The following GLIS3 variants were observed in gnomAD, a reference collection of about 807,000 sequenced individuals.
GLIS3 encodes GLIS family zinc finger 3, also known as zinc finger protein GLIS3.
Under a neutral mutation model 78.6 loss-of-function variants are expected in GLIS3, and 53 were observed. That is an observed-to-expected ratio of 0.67 (90% CI 0.54 to 0.85). The LOEUF is 0.85. Ranked by LOEUF, GLIS3 falls within the 40% of genes least tolerant of loss-of-function variation. The probability of loss-of-function intolerance (pLI) is 0.00; values close to 1 mark genes in which losing one functional copy is unlikely to be tolerated. For missense variants in GLIS3, 1,703 were observed against 1,231.1 expected, an observed-to-expected ratio of 1.38 and a Z score of -5.74; for synonymous variants, 684 against 509.9, an observed-to-expected ratio of 1.34 and a Z score of -4.60.
chr9:4,277,672 C>A (rs925442073), intron 2 of GLIS3, among the ~76,000 whole-genome samples: 3 of 152,072 alleles, frequency 2.0e-5, no homozygotes, highest in Admixed American at 2.0e-4. Flanking sequence ...TGTCAGAAGC[C>A]CTGAAGTAAA....
intron 2 of GLIS3, among the ~76,000 whole-genome samples, chr9:4,149,753 G>T (rs1042144680): frequency 2.0e-5 from 3 of 152,114 alleles, no homozygotes; most frequent in Admixed American, 2.0e-4. Flanking sequence ...AAACTGCATG[G>T]TAGGAGCAGG....
rs1056773757 is a variant in GLIS3, at chr9:4,054,573, A to C, written c.1710+63195T>G. 3.1e-5 allele frequency: 24 copies of C among 764,580 alleles called. 1 individual carries two copies. In the Admixed American group the frequency reaches 3.8e-4, roughly 12 times the overall value. The allele number at this position is 764,580 out of a possible 1,614,324, so 47.4% of individuals were successfully genotyped here. Reference sequence around the variant, plus strand: ...TGCGGAGCAGGTCACAAGTCACACCAGTCACAAAGCTGCCTCCTTGACATT... The same window carrying C: ...TGCGGAGCAGGTCACAAGTCACACCCGTCACAAAGCTGCCTCCTTGACATT... On this transcript the variant is annotated intron_variant, in intron 4 of 10. Coordinates refer to ENST00000381971, the MANE Select transcript of GLIS3 (RefSeq NM_001042413.2).
intron 6 of GLIS3, among the ~76,000 whole-genome samples, chr9:3,928,950 C>T (rs1825432167): frequency 1.3e-5 from 2 of 152,210 alleles, no homozygotes; most frequent in African/African-American, 4.8e-5. Context: ...AAAGGAAACC[C>T]TCCTGCTTAT....
At chr9:4,342,110 C>A (rs1023442146) in intron 2 of GLIS3, among the ~76,000 whole-genome samples, 1 of 152,116 alleles carries the variant, frequency 6.6e-6, no homozygotes, top group African/African-American at 2.4e-5. Context: ...TAATTAGGTC[C>A]CATTTGTCAA....
intron 2 of GLIS3, among the ~76,000 whole-genome samples, chr9:4,203,994 G>A (rs1416115099): frequency 6.6e-6 from 1 of 152,140 alleles, no homozygotes; most frequent in East Asian, 1.9e-4. Context: ...TTGAAAAACT[G>A]TTGGGTATAT....
chr9:4,395,509 G>C, the GLIS3 span, among the ~76,000 whole-genome samples: 7 of 152,088 alleles, frequency 4.6e-5, no homozygotes, highest in African/African-American at 1.5e-4. Flanking sequence ...TCTAGCTGAA[G>C]AAGAAGAATC....
chr9:4,318,040 T>A (rs1817466636), intron 2 of GLIS3, among the ~76,000 whole-genome samples: 1 of 152,004 alleles, frequency 6.6e-6, no homozygotes, highest in African/African-American at 2.4e-5. Context: ...ACTAGAAAAA[T>A]TATAGAAACT....
At chr9:3,917,693 C>T (rs779804941) in intron 6 of GLIS3, among the ~76,000 whole-genome samples, 2 of 151,938 alleles carry the variant, frequency 1.3e-5, no homozygotes, top group Admixed American at 6.6e-5. Flanking sequence ...CAGGGCCCCA[C>T]TGAAACGACC....
intron 2 of GLIS3, among the ~76,000 whole-genome samples, chr9:4,316,241 A>G (rs750570033): frequency 6.6e-6 from 1 of 152,198 alleles, no homozygotes; most frequent in Non-Finnish European, 1.5e-5. Flanking sequence ...CATTAAACTC[A>G]TCTAGCTACC....
At chr9:4,056,655 G>C (rs1441330561) in intron 4 of GLIS3, among the ~76,000 whole-genome samples, 1 of 152,032 alleles carries the variant, frequency 6.6e-6, no homozygotes, top group African/African-American at 2.4e-5. Context: ...AAAGAAAGGA[G>C]AAAAGAGAGA....
chr9:4,127,107 T>C (rs2130919189), intron 2 of GLIS3, among the ~76,000 whole-genome samples: 1 of 152,298 alleles, frequency 6.6e-6, no homozygotes, highest in East Asian at 1.9e-4. Context: ...AGTCACTGTT[T>C]CCATCAGTGC....
intron 2 of GLIS3, among the ~76,000 whole-genome samples, chr9:4,137,559 G>T (rs537004978): frequency 2.1e-5 from 3 of 145,342 alleles, no homozygotes; most frequent in Admixed American, 7.0e-5. Flanking sequence ...CCTCAATCTT[G>T]CTCCCCACCA....
chr9:4,394,973 T>G, the GLIS3 span, among the ~76,000 whole-genome samples: 11 of 152,362 alleles, frequency 7.2e-5, no homozygotes, highest in African/African-American at 2.4e-4. Context: ...GTGCTATTCT[T>G]GCACTGAATA....
the GLIS3 span, among the ~76,000 whole-genome samples, chr9:4,416,073 T>A: frequency 0.73 from 109,463 of 150,206 alleles, 40,184 homozygotes; most frequent in African/African-American, 0.8. Flanking sequence ...GCACAGGATC[T>A]AATGACTGCA....
At chr9:4,049,731 G>A (rs1825561904) in intron 4 of GLIS3, among the ~76,000 whole-genome samples, 2 of 151,982 alleles carry the variant, frequency 1.3e-5, no homozygotes. Flanking sequence ...AATCTACAAA[G>A]AACTCAAACA....
intron 4 of GLIS3, among the ~76,000 whole-genome samples, chr9:4,107,994 G>C (rs1050957267): frequency 6.6e-6 from 1 of 152,088 alleles, no homozygotes; most frequent in South Asian, 2.1e-4. Context: ...TCTACAGTAT[G>C]TTAATCGTTG....
At position 4,014,588 on chromosome 9, in the gene GLIS3, C is replaced by T. The variant is rs116967020; in HGVS notation, c.1711-77399G>A. Among the ~76,000 whole-genome samples the T allele has an allele frequency of 6.0e-3, 917 of 152,266 alleles. 13 individuals carry two copies. The highest frequency in any genetic ancestry group is 0.038 in the East Asian group (198 of 5,180). On this transcript the variant is annotated intron_variant, in intron 4 of 10. Transcript: ENST00000381971. ...AAGAATTGCCAGCAATGATTAGAAGCTAGGAAGAGGCAAGGAAAGATTTTT... is the reference window on the plus strand; with the variant it reads ...AAGAATTGCCAGCAATGATTAGAAGTTAGGAAGAGGCAAGGAAAGATTTTT...
chr9:4,051,326 G>C (rs920500675), intron 4 of GLIS3, among the ~76,000 whole-genome samples: 1 of 152,186 alleles, frequency 6.6e-6, no homozygotes, highest in African/African-American at 2.4e-5. Context: ...GGGGATAGGG[G>C]GTTGCCACTT....
rs549898229 is a variant in GLIS3, at chr9:4,222,908, G to A, written c.388+63130C>T. On this transcript the variant is annotated intron_variant, in intron 2 of 10. Transcript: ENST00000381971. ...CGAAGCTGCACTGAGCAGAGGGAAC[G>A]GGGAATAATGGATTATGCTCTGTTC... Among the ~76,000 whole-genome samples the A allele has an allele frequency of 3.9e-5, 6 of 152,246 alleles. 1 individual carries two copies. In the South Asian group the frequency reaches 6.2e-4, roughly 16 times the overall value.
Sources: gnomAD v4.1 joint callset for allele counts (sites outside exome capture counted in the v4.1 genomes callset) on GRCh38, gnomAD v4.1.1 for gene constraint, MANE v1.5 for transcripts, NCBI Gene and HGNC (gene_info 2026-07-23, HGNC 2026-07-21) for gene names.